Variants in SSBP3 observed in about 807,000 individuals in gnomAD.
The protein encoded by SSBP3 is single stranded DNA binding protein 3.
Under a neutral mutation model 69.6 loss-of-function variants are expected in SSBP3, and 5 were observed. The ratio of observed to expected loss-of-function variants is 0.07; its 90% CI spans 0.04 to 0.15. The LOEUF is 0.15. Among genes scored for constraint, SSBP3 ranks in the 10% least tolerant of loss-of-function variants. SSBP3 has a pLI of 1.00. For missense variants in SSBP3, 312 were observed against 534.0 expected, an observed-to-expected ratio of 0.58 and a Z score of 4.10; for synonymous variants, 196 against 193.4, an observed-to-expected ratio of 1.01 and a Z score of -0.11.
chr1:54,323,870 G>C (rs1646256571), intron 4 of SSBP3, among the ~76,000 whole-genome samples: 1 of 152,124 alleles, frequency 6.6e-6, no homozygotes, highest in African/African-American at 2.4e-5. Context: ...AGCTAGCACA[G>C]GCCCACCTGA....
chr1:54,395,040 G>A (rs1346775389), intron 4 of SSBP3, among the ~76,000 whole-genome samples: 2 of 148,934 alleles, frequency 1.3e-5, no homozygotes, highest in Non-Finnish European at 3.0e-5. Context: ...TGTGGGAATC[G>A]CCTTTGTGGG....
At chr1:54,408,279 G>T (rs1459270734), upstream of SSBP3, among the ~76,000 whole-genome samples, 6 of 152,190 alleles carry the variant, frequency 3.9e-5, no homozygotes, top group Non-Finnish European at 8.8e-5. Context: ...AAGGATAGGG[G>T]AGAGAAGGAA....
At chr1:54,278,470 G>C (rs1279080216) in intron 5 of SSBP3, among the ~76,000 whole-genome samples, 1 of 152,152 alleles carries the variant, frequency 6.6e-6, no homozygotes, top group Non-Finnish European at 1.5e-5. Context: ...TGGAAGAAGA[G>C]AAAGCTGATG....
chr1:54,347,780 C>T (rs1038900717), intron 4 of SSBP3, among the ~76,000 whole-genome samples: 5 of 152,146 alleles, frequency 3.3e-5, no homozygotes, highest in Admixed American at 6.5e-5. Context: ...ATTGCAGCAA[C>T]GCTGGAAGAT....
chr1:54,248,997 C>T (rs1015741754), intron 9 of SSBP3, among the ~76,000 whole-genome samples: 6 of 152,144 alleles, frequency 3.9e-5, no homozygotes, highest in African/African-American at 1.4e-4. Context: ...CTAAGGGGAG[C>T]TCTACCCCTT....
intron 4 of SSBP3, among the ~76,000 whole-genome samples, chr1:54,300,701 T>C (rs1048975152): frequency 5.3e-5 from 8 of 152,184 alleles, no homozygotes; most frequent in South Asian, 2.1e-4. Flanking sequence ...AGCTAGAACA[T>C]AGACTCTGAG....
intron 5 of SSBP3, among the ~76,000 whole-genome samples, chr1:54,268,975 T>C (rs547950584): frequency 1.5e-4 from 23 of 152,320 alleles, no homozygotes; most frequent in African/African-American, 5.5e-4. Context: ...TCACCCTACC[T>C]GCCTCACAGA....
chr1:54,268,217 C>T (rs1037319723), intron 5 of SSBP3, among the ~76,000 whole-genome samples: 1 of 152,242 alleles, frequency 6.6e-6, no homozygotes, highest in African/African-American at 2.4e-5. Context: ...GTGGCCTTGC[C>T]AAACTGATCC....
intron 4 of SSBP3, among the ~76,000 whole-genome samples, chr1:54,354,271 CCCAG>C (rs1646827889): frequency 6.6e-6 from 1 of 152,228 alleles, no homozygotes; most frequent in Admixed American, 6.5e-5. Flanking sequence ...GCCAGCCTTT[CCCAG>C]GCACCTGCCA....
At chr1:54,390,792 G>A (rs746673795) in intron 4 of SSBP3, among the ~76,000 whole-genome samples, 4 of 152,250 alleles carry the variant, frequency 2.6e-5, no homozygotes, top group African/African-American at 4.8e-5. Context: ...GCCGCCGCCC[G>A]TAACACAAGC....
At chr1:54,406,048 C>CCGCCGT (rs2100838146) in exon 1 of SSBP3, 1 of 1,421,108 alleles carries the variant, frequency 7.0e-7, no homozygotes, top group South Asian at 1.3e-5. Flanking sequence ...GCCGCCGCCG[C>CCGCCGT]CGCCGCCGCC....
chr1:54,261,510 C>A (rs1157509500), intron 5 of SSBP3, among the ~76,000 whole-genome samples: 1 of 152,142 alleles, frequency 6.6e-6, no homozygotes, highest in African/African-American at 2.4e-5. Flanking sequence ...CTGAACAGAC[C>A]CAGCAGGCAG....
At chr1:54,331,250 A>C (rs1646405412) in intron 4 of SSBP3, among the ~76,000 whole-genome samples, 1 of 152,170 alleles carries the variant, frequency 6.6e-6, no homozygotes, top group Non-Finnish European at 1.5e-5. Flanking sequence ...AAGTGTGTGC[A>C]TGCACACACA....
At chr1:54,264,236 A>T (rs1222691846) in intron 5 of SSBP3, among the ~76,000 whole-genome samples, 1 of 152,174 alleles carries the variant, frequency 6.6e-6, no homozygotes, top group East Asian at 1.9e-4. Flanking sequence ...AGGGAGGTGG[A>T]GGCTGCAGTC....
intron 4 of SSBP3, among the ~76,000 whole-genome samples, chr1:54,289,097 T>C (rs1443674030): frequency 6.8e-6 from 1 of 147,526 alleles, no homozygotes; most frequent in African/African-American, 2.5e-5. Context: ...CCAGGAAGAG[T>C]TCTGTGTGCT....
At chr1:54,367,193 C>G (rs191345580) in intron 4 of SSBP3, among the ~76,000 whole-genome samples, 1 of 152,282 alleles carries the variant, frequency 6.6e-6, no homozygotes, top group East Asian at 1.9e-4. Flanking sequence ...CCAAAATGAT[C>G]TACTTGGGCA....
rs544088369 is a variant in SSBP3 at position 54,352,677 on chromosome 1, G to A, written c.276+49184C>T. 5.3e-5 allele frequency among the ~76,000 whole-genome samples: 8 copies of A among 152,312 alleles called. No individual in the cohort carries two copies. The South Asian group carries it at 1.5e-3, about 28-fold the overall frequency. Reference sequence around the variant, plus strand: ...CAGCAGGAAGAAGCTGCGTCTTGCCGTTTGACCATGCGAGCATCTAGCGTG... The same window carrying A: ...CAGCAGGAAGAAGCTGCGTCTTGCCATTTGACCATGCGAGCATCTAGCGTG... On this transcript the variant is annotated intron_variant, in intron 4 of 17. Transcript: ENST00000610401.
intron 5 of SSBP3, among the ~76,000 whole-genome samples, chr1:54,278,597 G>T: frequency 6.6e-6 from 1 of 152,216 alleles, no homozygotes; most frequent in East Asian, 1.9e-4. Context: ...ATGGAGGTGG[G>T]CAGCTGCTCT....
chr1:54,413,027 A>G (rs1222970997), intron 1 of SSBP3: 1 of 152,156 alleles, frequency 6.6e-6, no homozygotes, highest in Non-Finnish European at 1.5e-5. Context: ...AATTTTTTAA[A>G]AAACTAAAAA....
Sources: allele counts gnomAD v4.1 joint callset (sites outside exome capture counted in the v4.1 genomes callset), GRCh38; gene constraint gnomAD v4.1.1; transcripts MANE v1.5; gene names NCBI Gene and HGNC (gene_info 2026-07-23, HGNC 2026-07-21).